C10orf143: variants seen among roughly 807,000 people sequenced by gnomAD.
C10orf143 encodes the protein chromosome 10 open reading frame 143, also known as uncharacterized protein C10orf143.
At chr10:130,078,361 C>A (rs889112386) in intron 3 of C10orf143, among the ~76,000 whole-genome samples, 2 of 152,092 alleles carry the variant, frequency 1.3e-5, no homozygotes, top group Admixed American at 6.5e-5. Context: ...GGTCAGTCAT[C>A]GGCAAACAAG....
At chr10:130,049,361 C>A (rs1860711971) in intron 3 of C10orf143, among the ~76,000 whole-genome samples, 1 of 152,216 alleles carries the variant, frequency 6.6e-6, no homozygotes, top group Admixed American at 6.5e-5. Context: ...TGTTGTGACT[C>A]TGTGGCTCAT....
chr10:130,063,209 G>A (rs1013029533), downstream of C10orf143, among the ~76,000 whole-genome samples: 2 of 152,166 alleles, frequency 1.3e-5, no homozygotes, highest in African/African-American at 4.8e-5. Flanking sequence ...CCTGACACCG[G>A]GTGGACACCT....
intron 3 of C10orf143, among the ~76,000 whole-genome samples, chr10:130,046,369 G>A (rs777137718): frequency 6.6e-6 from 1 of 152,102 alleles, no homozygotes; most frequent in African/African-American, 2.4e-5. Context: ...CCCGGGACCT[G>A]CTCCAGAAGC....
intron 3 of C10orf143, among the ~76,000 whole-genome samples, chr10:130,068,795 G>A (rs1860983409): frequency 6.6e-6 from 1 of 151,494 alleles, no homozygotes; most frequent in African/African-American, 2.4e-5. Flanking sequence ...GCAGATTTGA[G>A]CAAGCAGAAG....
At chr10:130,039,158 T>A (rs1860578179) in intron 3 of C10orf143, among the ~76,000 whole-genome samples, 1 of 152,122 alleles carries the variant, frequency 6.6e-6, no homozygotes, top group African/African-American at 2.4e-5. Flanking sequence ...GCCCAGCCAG[T>A]GCTACTCTGT....
At chr10:130,096,276 A>G (rs1861460437) in intron 1 of C10orf143, among the ~76,000 whole-genome samples, 1 of 152,024 alleles carries the variant, frequency 6.6e-6, no homozygotes, top group Admixed American at 6.6e-5. Flanking sequence ...GTGATCATTA[A>G]AAAGTCAGGA....
chr10:130,103,421 C>T (rs1195803459), intron 1 of C10orf143, among the ~76,000 whole-genome samples: 1 of 151,950 alleles, frequency 6.6e-6, no homozygotes, highest in Non-Finnish European at 1.5e-5. Context: ...ACCCAGGAGG[C>T]AGAGGTTGCA....
intron 1 of C10orf143, among the ~76,000 whole-genome samples, chr10:130,084,982 C>T (rs1210869045): frequency 6.6e-6 from 1 of 152,156 alleles, no homozygotes; most frequent in African/African-American, 2.4e-5. Flanking sequence ...TAAAAAACAG[C>T]ACTGGATAAT....
chr10:130,108,588 A>C (rs1436271068), intron 1 of C10orf143: 1 of 560,844 alleles, frequency 1.8e-6, no homozygotes, highest in Non-Finnish European at 3.2e-6. Context: ...TTTTGTAAAT[A>C]AGGATGATTT....
At chr10:130,076,116 G>C (rs1861112994) in intron 3 of C10orf143, among the ~76,000 whole-genome samples, 1 of 151,720 alleles carries the variant, frequency 6.6e-6, no homozygotes, top group Admixed American at 6.6e-5. Context: ...ATTCTCCCAA[G>C]CTGGAATTAC....
rs1393729460 is a variant in C10orf143 at position 130,107,339 on chromosome 10, C to T, written c.69+3365G>A. ...TAAAGAGCTGGAGACCTACAGACAG[C>T]GAGCCAAAGATCTTGAAGAAGAATT... On this transcript the variant is annotated intron_variant, in intron 1 of 3. Coordinates refer to ENST00000637128, the MANE Select transcript of C10orf143 (RefSeq NM_001355042.2). 5.7e-6 allele frequency: 6 copies of T among 1,057,258 alleles called. No individual in the cohort carries two copies. The African/African-American group carries it at 6.2e-5, about 11-fold the overall frequency. 65.5% of individuals were successfully genotyped at this position (1,057,258 alleles called of 1,614,324 possible).
At chr10:130,039,198 G>A (rs1860578889) in intron 3 of C10orf143, among the ~76,000 whole-genome samples, 2 of 152,194 alleles carry the variant, frequency 1.3e-5, no homozygotes, top group African/African-American at 4.8e-5. Context: ...TGTCTCCAGG[G>A]AAAGAGAACC....
intron 1 of C10orf143, among the ~76,000 whole-genome samples, chr10:130,109,839 G>A (rs1286674682): frequency 9.2e-5 from 14 of 151,910 alleles, no homozygotes; most frequent in Admixed American, 9.2e-4. Context: ...CCAAGCCTGT[G>A]TAGCTCTAGA....
At chr10:130,101,817 C>G (rs1186132274) in intron 1 of C10orf143, among the ~76,000 whole-genome samples, 2 of 122,536 alleles carry the variant, frequency 1.6e-5, no homozygotes, top group Non-Finnish European at 3.2e-5. Flanking sequence ...CTCTCTGCAA[C>G]TCCAGCCTGG....
At chr10:130,084,431 A>G (rs1306950766) in intron 1 of C10orf143, among the ~76,000 whole-genome samples, 1 of 152,240 alleles carries the variant, frequency 6.6e-6, no homozygotes, top group African/African-American at 2.4e-5. Context: ...AGGGTTAGCA[A>G]TTTTTGAAAT....
At chr10:130,038,979 C>T (rs1401952279) in intron 3 of C10orf143, among the ~76,000 whole-genome samples, 1 of 152,202 alleles carries the variant, frequency 6.6e-6, no homozygotes, top group Non-Finnish European at 1.5e-5. Context: ...AGCCACCGCT[C>T]TTCCCAGTTT....
intron 4 of C10orf143, among the ~76,000 whole-genome samples, chr10:130,035,546 T>C (rs1013612880): frequency 4.6e-5 from 7 of 152,186 alleles, no homozygotes; most frequent in Admixed American, 1.3e-4. Context: ...CCCTATGTTG[T>C]GGGGCATTCA....
chr10:130,037,738 G>A (rs147547821), intron 3 of C10orf143, among the ~76,000 whole-genome samples: 47 of 152,280 alleles, frequency 3.1e-4, no homozygotes, highest in African/African-American at 9.9e-4. Flanking sequence ...TCAGACAATC[G>A]GTCAACAAGG....
intron 3 of C10orf143, among the ~76,000 whole-genome samples, chr10:130,073,398 C>T (rs1861063808): frequency 1.3e-5 from 2 of 152,180 alleles, no homozygotes; most frequent in Admixed American, 6.5e-5. Flanking sequence ...GATCTTCAGG[C>T]TCTAAACTTT....
Sources: allele counts gnomAD v4.1 joint callset (sites outside exome capture counted in the v4.1 genomes callset), GRCh38; gene constraint gnomAD v4.1.1; transcripts MANE v1.5; gene names NCBI Gene and HGNC (gene_info 2026-07-23, HGNC 2026-07-21).